Variants in DNMBP observed in about 807,000 individuals in gnomAD.
The protein encoded by DNMBP is dynamin binding protein.
In DNMBP, 87 loss-of-function variants were observed where a neutral mutation model predicts 150.0. That is an observed-to-expected ratio of 0.58 (90% CI 0.49 to 0.69). The LOEUF is 0.69. Ranked by LOEUF, DNMBP falls within the 30% of genes least tolerant of loss-of-function variation. The pLI is 0.00. For synonymous variants in DNMBP, 711 were observed against 750.4 expected (o/e 0.95, Z 0.86); for missense variants, 1,774 against 1,949.0 (o/e 0.91, Z 1.69).
At chr10:99,886,195 T>C in intron 13 of DNMBP, 105 bp downstream of exon 13, 1 of 944,894 alleles carries the variant, frequency 1.1e-6, no homozygotes, top group East Asian at 2.5e-5. Flanking sequence ...ACACATTCAG[T>C]TTATCTAATT....
At chr10:99,944,257 T>C (rs77479726) in intron 4 of DNMBP, among the ~76,000 whole-genome samples, 13,318 of 152,294 alleles carry the variant, frequency 0.087, 847 homozygotes, top group African/African-American at 0.17. Context: ...TGACTATGTT[T>C]TTTTAAATTA....
intron 4 of DNMBP, among the ~76,000 whole-genome samples, chr10:99,920,845 A>T (rs2040014980): frequency 6.6e-6 from 1 of 152,008 alleles, no homozygotes; most frequent in African/African-American, 2.4e-5. Flanking sequence ...ACGCCCAGTT[A>T]TTTTTTTAAT....
In DNMBP at chr10:99,877,201, TC is replaced by T; in HGVS notation, c.4683del (p.Lys1562ArgfsTer73). ...NTEWWLAEVN[G>X]KKGYVPSNYI... ...TAATTGGAGGGAACGTAGCCCTTCT[TC>T]CCGTTAACCTCAGCTAACCACCACT... On this transcript the variant is annotated frameshift_variant, in exon 17 of 17. Coordinates refer to ENST00000324109, the MANE Select transcript of DNMBP (RefSeq NM_015221.4). LOFTEE classifies it high-confidence loss of function. 1.2e-6 allele frequency: 2 copies of T among 1,613,926 alleles called. No individual in the cohort carries two copies. Among genetic ancestry groups the T allele is most frequent in the Non-Finnish European group, 1.7e-6 (2 of 1,179,966 alleles).
At chr10:99,898,333 G>T in intron 8 of DNMBP, 48 bp from the exon 9 acceptor site, 1 of 1,498,724 alleles carries the variant, frequency 6.7e-7, no homozygotes, top group Non-Finnish European at 9.3e-7. Context: ...ATAATATAGC[G>T]CCCAGCCTGG....
chr10:99,917,346 G>A (rs1338450915), intron 4 of DNMBP, among the ~76,000 whole-genome samples: 2 of 152,130 alleles, frequency 1.3e-5, no homozygotes, highest in African/African-American at 4.8e-5. Flanking sequence ...GACATCTAAC[G>A]TGAATTGCTG....
At chr10:99,899,895 A>T in intron 7 of DNMBP, 24 bp downstream of exon 7, 1 of 1,613,856 alleles carries the variant, frequency 6.2e-7, no homozygotes. Context: ...GCTGTAATGG[A>T]AGTTAAGTGG....
At chr10:99,970,558 T>C (rs2040663174) in intron 2 of DNMBP, among the ~76,000 whole-genome samples, 1 of 152,150 alleles carries the variant, frequency 6.6e-6, no homozygotes, top group Non-Finnish European at 1.5e-5. Flanking sequence ...AGATCACTTC[T>C]CAGCCTTTTG....
intron 1 of DNMBP, among the ~76,000 whole-genome samples, chr10:99,973,856 C>T (rs1002167495): frequency 6.6e-6 from 1 of 152,156 alleles, no homozygotes; most frequent in African/African-American, 2.4e-5. Flanking sequence ...TGGCGGGTGC[C>T]TGTAATCCCA....
At position 99,897,844 on chromosome 10, in the gene DNMBP, T is replaced by C. The variant is rs992817904; in HGVS notation, c.2920+242A>G. Among the ~76,000 whole-genome samples, 4 of 151,758 alleles carry C rather than the reference T, an allele frequency of 2.6e-5. No individual in the cohort carries two copies. The East Asian group carries it at 7.8e-4, about 29-fold the overall frequency. ...GGGAGAATTGCTTGAACATGGGAGG[T>C]GGAGGTTGCAGTGAGCTGAGATAGC... On this transcript the variant is annotated intron_variant, in intron 9 of 16. Transcript: ENST00000324109.
chr10:99,972,790 T>C (rs1247713624), intron 1 of DNMBP, among the ~76,000 whole-genome samples: 2 of 152,178 alleles, frequency 1.3e-5, no homozygotes, highest in African/African-American at 2.4e-5. Flanking sequence ...ATTTTTATTT[T>C]TTGAGATGAA....
In DNMBP at chr10:99,876,416, G is replaced by A. The variant is rs2039275338; in HGVS notation, c.*735C>T. The A allele has an allele frequency of 6.6e-6, 1 of 151,928 alleles. No individual in the cohort carries two copies. The highest frequency in any genetic ancestry group is 1.5e-5 in the Non-Finnish European group (1 of 68,004). 9.4% of individuals were successfully genotyped at this position (151,928 alleles called of 1,614,324 possible). ...TCTCAAAAAAAAAAGCGGGGGGGCAGTGATTGTACCTAACAAGGGAAGAGA... is the reference window on the plus strand; with the variant it reads ...TCTCAAAAAAAAAAGCGGGGGGGCAATGATTGTACCTAACAAGGGAAGAGA... On this transcript the variant is annotated 3_prime_UTR_variant, in exon 17 of 17. Transcript: ENST00000324109.
Position 99,877,204 on chromosome 10 carries a change from C to A in DNMBP, c.4681G>T (p.Gly1561Trp), listed in dbSNP as rs749250943. 4 of 1,613,830 alleles carry A rather than the reference C, an allele frequency of 2.5e-6. No individual in the cohort carries two copies. The change falls in exon 17 of 17, where the codon GGG becomes TGG. Residue 1561 changes from glycine (G) to tryptophan (W), a missense_variant. By Grantham distance (184) the Gly-to-Trp change is radical. Around this residue, in one of 2 missense-constraint regions of DNMBP, gnomAD observed 1,430 missense variants for 1,492.5 expected, o/e 0.96. Coordinates refer to ENST00000324109, the MANE Select transcript of DNMBP (RefSeq NM_015221.4). ...NTEWWLAEVN[G>W]KKGYVPSNYI... ...TTGGAGGGAACGTAGCCCTTCTTCC[C>A]GTTAACCTCAGCTAACCACCACTCT... is the stretch of plus-strand genomic sequence containing the variant.
At chr10:99,906,785 G>A (rs1210311809) in intron 6 of DNMBP, among the ~76,000 whole-genome samples, 1 of 152,136 alleles carries the variant, frequency 6.6e-6, no homozygotes, top group Non-Finnish European at 1.5e-5. Context: ...GAGACCCTGG[G>A]CCAGAACCAC....
At chr10:99,925,855 G>A (rs2040072561) in intron 4 of DNMBP, among the ~76,000 whole-genome samples, 1 of 152,056 alleles carries the variant, frequency 6.6e-6, no homozygotes. Flanking sequence ...TTATTTTTCA[G>A]AACTGCTGAT....
intron 11 of DNMBP, among the ~76,000 whole-genome samples, chr10:99,891,697 T>C (rs374697953): frequency 0.51 from 74,288 of 146,012 alleles, 19,371 homozygotes; most frequent in Middle Eastern, 0.59. Context: ...GGAGCGTCTC[T>C]GCCCGGCCGC....
At chr10:99,883,638 C>CAAAAAAAAAAAAAAAAAA (rs71009782) in intron 15 of DNMBP, among the ~76,000 whole-genome samples, 10 of 65,616 alleles carry the variant, frequency 1.5e-4, no homozygotes, top group African/African-American at 4.5e-4. Context: ...AAGACTGCCA[C>CAAAAAAAAAAAAAAAAAA]AAAAAAAAAA....
chr10:99,988,414 G>C (rs991655007), intron 1 of DNMBP, among the ~76,000 whole-genome samples: 1 of 152,124 alleles, frequency 6.6e-6, no homozygotes, highest in African/African-American at 2.4e-5. Context: ...AAAGGAAGAA[G>C]GGCTCCAATG....
intron 1 of DNMBP, among the ~76,000 whole-genome samples, chr10:100,000,874 A>C (rs867349636): frequency 0.055 from 8,143 of 148,790 alleles, 338 homozygotes; most frequent in South Asian, 0.15. Context: ...AAAAAAAAAA[A>C]AAAAAAAAAA....
intron 12 of DNMBP, 120 bp downstream of exon 12, chr10:99,888,705 T>C: frequency 1.7e-6 from 2 of 1,203,078 alleles, no homozygotes; most frequent in Non-Finnish European, 2.3e-6. Flanking sequence ...TGAATATAGC[T>C]AAAGGATGAC....
Sources: allele counts gnomAD v4.1 joint callset (sites outside exome capture counted in the v4.1 genomes callset), GRCh38; gene constraint gnomAD v4.1.1; regional missense constraint gnomAD v4.1.1; transcripts MANE v1.5; gene names NCBI Gene and HGNC (gene_info 2026-07-23, HGNC 2026-07-21).